CUL5: variants seen among roughly 807,000 people sequenced by gnomAD.
The protein encoded by CUL5 is cullin-5.
In CUL5, 26 loss-of-function variants were observed where a neutral mutation model predicts 108.8. The observed-to-expected ratio is 0.24, with a 90% CI of 0.18 to 0.33. The LOEUF (loss-of-function observed/expected upper bound fraction) is 0.33. Ranked by LOEUF, CUL5 falls within the 10% of genes least tolerant of loss-of-function variation. The probability of loss-of-function intolerance (pLI) is 1.00; values close to 1 mark genes in which losing one functional copy is unlikely to be tolerated. For synonymous variants in CUL5, 334 were observed against 298.0 expected, an observed-to-expected ratio of 1.12 and a Z score of -1.25; for missense variants, 524 against 909.2, an observed-to-expected ratio of 0.58 and a Z score of 5.45.
chr11:108,060,069 A>AT (rs1863496561), intron 7 of CUL5, among the ~76,000 whole-genome samples: 1 of 152,186 alleles, frequency 6.6e-6, no homozygotes, highest in Non-Finnish European at 1.5e-5. Context: ...AAACTGATTT[A>AT]AAAAGCTGAA....
chr11:108,063,966 C>T (rs1245421284), intron 7 of CUL5, among the ~76,000 whole-genome samples: 2 of 152,182 alleles, frequency 1.3e-5, no homozygotes, highest in African/African-American at 4.8e-5. Flanking sequence ...TAGGTAATAT[C>T]ATCTGCAAAC....
intron 3 of CUL5, among the ~76,000 whole-genome samples, chr11:108,047,443 G>A (rs918428327): frequency 7.9e-5 from 12 of 152,062 alleles, no homozygotes; most frequent in South Asian, 4.1e-4. Context: ...TTGTTAAATC[G>A]TGTTATTAAA....
chr11:108,088,411 A>G (rs1864273591), intron 11 of CUL5, 116 bp from the exon 12 acceptor site: 1 of 1,171,140 alleles, frequency 8.5e-7, no homozygotes, highest in Non-Finnish European at 1.2e-6. Context: ...CTAGTTCCAA[A>G]CCTGATCACT....
intron 13 of CUL5, among the ~76,000 whole-genome samples, chr11:108,090,084 T>C (rs940259486): frequency 5.9e-5 from 9 of 151,868 alleles, no homozygotes; most frequent in Admixed American, 4.6e-4. Context: ...TAAAGTGATA[T>C]CTAATAAATG....
At chr11:108,044,926 T>A (rs916382578) in intron 2 of CUL5, among the ~76,000 whole-genome samples, 1 of 152,040 alleles carries the variant, frequency 6.6e-6, no homozygotes, top group African/African-American at 2.4e-5. Flanking sequence ...CACGCCTGGC[T>A]AATTTTTGTA....
intron 11 of CUL5, among the ~76,000 whole-genome samples, chr11:108,080,100 C>A (rs953157477): frequency 7.1e-6 from 1 of 140,780 alleles, no homozygotes; most frequent in Non-Finnish European, 1.5e-5. Context: ...TGATGTTGAG[C>A]AATTTTTCAT....
rs1402947512 is a variant in CUL5, at chr11:108,050,004, A to G, written c.349A>G (p.Thr117Ala). ...AAAACCTTTTTGTCAACTAGAGATTACTTTAATGGGTAAACAGGGCAGCAA... is the reference window on the plus strand; with the variant it reads ...AAAACCTTTTTGTCAACTAGAGATTGCTTTAATGGGTAAACAGGGCAGCAA... ...LPKPFCQLEI[T>A]LMGKQGSNKK... The change falls in exon 4 of 19, where the codon ACT becomes GCT. Residue 117 changes from threonine to alanine, a missense_variant. Thr to Ala is a moderately conservative substitution (Grantham distance 58). This residue lies in a region of CUL5 where 170 missense variants were observed against 305.1 expected (regional missense o/e 0.56). Coordinates refer to ENST00000393094, the MANE Select transcript of CUL5 (RefSeq NM_003478.6). 2 of 1,613,766 alleles carry G rather than the reference A, an allele frequency of 1.2e-6. No homozygotes were observed. The highest frequency in any genetic ancestry group is 1.7e-6 in the Non-Finnish European group (2 of 1,179,744).
intron 5 of CUL5, 151 bp downstream of exon 5, chr11:108,052,952 A>G: frequency 1.8e-6 from 1 of 566,506 alleles, no homozygotes; most frequent in Non-Finnish European, 2.9e-6. Context: ...GCAAATGATA[A>G]TTCTGCTTAA....
chr11:108,058,555 A>ATT (rs879267134), intron 7 of CUL5, among the ~76,000 whole-genome samples: 6 of 145,580 alleles, frequency 4.1e-5, no homozygotes, highest in South Asian at 2.2e-4. Context: ...GCCCAAAGTG[A>ATT]TTTTTTTTTT....
Position 108,050,043 on chromosome 11 carries a change from G to C in CUL5, c.388G>C (p.Val130Leu). ...GKQGSNKKSN[V>L]EDSIVRKLML... ...ACAGGGCAGCAATAAAAAATCAAAT[G>C]TGGAAGACAGTATTGTTCGAAAGGT... The change falls in exon 4 of 19, where the codon GTG (valine) becomes CTG (leucine). Residue 130 changes from valine (V) to leucine (L), a missense_variant. Around this residue, in one of 8 missense-constraint regions of CUL5, gnomAD observed 170 missense variants for 305.1 expected, o/e 0.56. Coordinates refer to ENST00000393094, the MANE Select transcript of CUL5 (RefSeq NM_003478.6). 6.2e-7 allele frequency: 1 copy of C among 1,612,162 alleles called. No homozygotes were observed.
chr11:108,074,415 G>A (rs1265536521), intron 10 of CUL5, among the ~76,000 whole-genome samples: 1 of 151,446 alleles, frequency 6.6e-6, no homozygotes, highest in Non-Finnish European at 1.5e-5. Flanking sequence ...GGCTGGTCTC[G>A]AACTCCTGAC....
chr11:108,025,100 A>G (rs962774170), intron 1 of CUL5, among the ~76,000 whole-genome samples: 1 of 152,154 alleles, frequency 6.6e-6, no homozygotes, highest in East Asian at 1.9e-4. Context: ...CAAGATTCCA[A>G]TTATGTGTAC....
intron 1 of CUL5, among the ~76,000 whole-genome samples, chr11:108,029,848 A>G (rs942809963): frequency 2.6e-5 from 4 of 152,214 alleles, no homozygotes; most frequent in Non-Finnish European, 4.4e-5. Flanking sequence ...ATTTATCTCC[A>G]GTACCTGTCT....
At chr11:108,037,368 T>A (rs1862773221) in intron 2 of CUL5, among the ~76,000 whole-genome samples, 1 of 152,216 alleles carries the variant, frequency 6.6e-6, no homozygotes, top group South Asian at 2.1e-4. Flanking sequence ...TCCCTCTTCA[T>A]GAGTCCAACT....
In CUL5 at chr11:108,106,065, A is replaced by G. The variant is rs533284656; in HGVS notation, c.*1681A>G. 9 of 152,322 alleles carry G rather than the reference A, an allele frequency of 5.9e-5. No individual in the cohort carries two copies. The highest frequency in any genetic ancestry group is 2.1e-4 in the South Asian group (1 of 4,830). 9.4% of individuals were successfully genotyped at this position (152,322 alleles called of 1,614,324 possible). On this transcript the variant is annotated 3_prime_UTR_variant, in exon 19 of 19. Transcript: ENST00000393094. The stretch of plus-strand genomic sequence containing the variant: ...TTACACTTTAAGGTAGCAAATGTCA[A>G]TTATTAGACCGAGCATATTGTGAAG...
At chr11:108,044,821 G>T (rs1236094772) in intron 2 of CUL5, among the ~76,000 whole-genome samples, 1 of 151,262 alleles carries the variant, frequency 6.6e-6, no homozygotes, top group Non-Finnish European at 1.5e-5. Flanking sequence ...GAGTTCATTG[G>T]TGCCATCTTG....
intron 3 of CUL5, among the ~76,000 whole-genome samples, chr11:108,047,083 T>C (rs1301464687): frequency 6.6e-6 from 1 of 152,154 alleles, no homozygotes. Flanking sequence ...TTTGGGAGGC[T>C]GAGGCAGGCA....
intron 10 of CUL5, among the ~76,000 whole-genome samples, chr11:108,076,785 G>C (rs147795626): frequency 8.3e-4 from 126 of 152,310 alleles, no homozygotes; most frequent in Non-Finnish European, 1.6e-3. Context: ...TTCAGGATTT[G>C]CTATTGAATC....
intron 7 of CUL5, among the ~76,000 whole-genome samples, chr11:108,059,512 A>G (rs1863480738): frequency 6.6e-6 from 1 of 152,174 alleles, no homozygotes; most frequent in Non-Finnish European, 1.5e-5. Flanking sequence ...TTTGAATCCC[A>G]CAGATGTTAT....
Sources: allele counts gnomAD v4.1 joint callset (sites outside exome capture counted in the v4.1 genomes callset), GRCh38; gene constraint gnomAD v4.1.1; regional missense constraint gnomAD v4.1.1; transcripts MANE v1.5; gene names NCBI Gene and HGNC (gene_info 2026-07-23, HGNC 2026-07-21).